Variants in L3MBTL4 observed in about 807,000 individuals in gnomAD.
L3MBTL4 encodes the protein L3MBTL histone methyl-lysine binding protein 4.
In L3MBTL4, 70 loss-of-function variants were observed where a neutral mutation model predicts 84.5. The observed-to-expected ratio is 0.83, with a 90% confidence interval of 0.68 to 1.01. The LOEUF (loss-of-function observed/expected upper bound fraction) is 1.01. L3MBTL4 is among the 50% of genes least tolerant of loss of function. The pLI is 0.00. For synonymous variants in L3MBTL4, 274 were observed against 259.8 expected, an observed-to-expected ratio of 1.05 and a Z score of -0.52; for missense variants, 715 against 754.8, an observed-to-expected ratio of 0.95 and a Z score of 0.62.
intron 13 of L3MBTL4, among the ~76,000 whole-genome samples, chr18:6,156,839 G>T (rs1452349576): frequency 6.6e-6 from 1 of 152,188 alleles, no homozygotes; most frequent in Admixed American, 6.5e-5. Flanking sequence ...TGTGATGACA[G>T]AAACTGCTAT....
chr18:6,028,752 A>G (rs2055635282), intron 16 of L3MBTL4, among the ~76,000 whole-genome samples: 1 of 152,168 alleles, frequency 6.6e-6, no homozygotes, highest in East Asian at 1.9e-4. Context: ...GGTCCTTCAC[A>G]ACTTGTATTC....
At chr18:6,018,521 T>G (rs1317063395) in intron 16 of L3MBTL4, among the ~76,000 whole-genome samples, 1 of 152,192 alleles carries the variant, frequency 6.6e-6, no homozygotes, top group Non-Finnish European at 1.5e-5. Flanking sequence ...GACCATGTAC[T>G]AAAGACTTAG....
chr18:6,345,215 CAAAAAAA>C (rs35502624), intron 1 of L3MBTL4, among the ~76,000 whole-genome samples: 68 of 38,496 alleles, frequency 1.8e-3, no homozygotes, highest in South Asian at 0.011. Flanking sequence ...TACTAAAATA[CAAAAAAA>C]AAAAAAAAAA....
chr18:6,269,007 C>A (rs2048753103), intron 4 of L3MBTL4, among the ~76,000 whole-genome samples: 2 of 152,156 alleles, frequency 1.3e-5, no homozygotes, highest in Admixed American at 1.3e-4. Flanking sequence ...AGCTCGGGCA[C>A]CCCCACTAGA....
At chr18:6,258,129 G>C (rs2048234947) in intron 5 of L3MBTL4, among the ~76,000 whole-genome samples, 1 of 152,190 alleles carries the variant, frequency 6.6e-6, no homozygotes, top group African/African-American at 2.4e-5. Context: ...GGTGTGCTGA[G>C]TGATGGTCTG....
At chr18:6,340,986 G>A (rs551894795) in intron 1 of L3MBTL4, among the ~76,000 whole-genome samples, 1 of 152,180 alleles carries the variant, frequency 6.6e-6, no homozygotes, top group South Asian at 2.1e-4. Context: ...TTGAAAAAAG[G>A]CACACAATCC....
At chr18:6,299,425 G>C (rs1250057341) in intron 4 of L3MBTL4, among the ~76,000 whole-genome samples, 2 of 152,168 alleles carry the variant, frequency 1.3e-5, no homozygotes, top group Admixed American at 6.6e-5. Context: ...GAACATAAAG[G>C]TAAAGTGAAA....
intron 16 of L3MBTL4, chr18:6,030,345 T>G: frequency 1.0e-6 from 1 of 970,642 alleles, no homozygotes; most frequent in Non-Finnish European, 1.2e-6. Context: ...ATAGAACAAA[T>G]AGCTAGCAAA....
chr18:6,174,295 G>C (rs992570373), intron 12 of L3MBTL4, among the ~76,000 whole-genome samples: 1 of 152,144 alleles, frequency 6.6e-6, no homozygotes, highest in African/African-American at 2.4e-5. Context: ...AGATAACCTA[G>C]ATGTTGTAAT....
chr18:6,389,514 T>TA lies in L3MBTL4; in HGVS notation c.-91+25286dup, dbSNP rs201023828. On this transcript the variant is annotated intron_variant, in intron 1 of 18. Transcript: ENST00000317931. Reference sequence around the variant, plus strand: ...AAAAGATACAGATTGGCAGAATGCTTAAAAAAAAATCACAAACCAAATATC... The same window carrying TA: ...AAAAGATACAGATTGGCAGAATGCTTAAAAAAAAAATCACAAACCAAATATC... Among the ~76,000 whole-genome samples the TA allele has an allele frequency of 6.3e-4, 95 of 151,648 alleles. No homozygotes were observed. The East Asian group carries it at 7.0e-3, about 11-fold the overall frequency.
At chr18:6,041,462 C>CT (rs34117389) in intron 16 of L3MBTL4, among the ~76,000 whole-genome samples, 28,675 of 123,994 alleles carry the variant, frequency 0.23, 3,787 homozygotes, top group Middle Eastern at 0.3. Context: ...CTGAAATTGA[C>CT]TTTTTTTTTT....
chr18:5,994,032 G>A (rs1203667659), intron 16 of L3MBTL4, among the ~76,000 whole-genome samples: 3 of 152,308 alleles, frequency 2.0e-5, no homozygotes, highest in South Asian at 4.1e-4. Context: ...CACTGGCGAC[G>A]CTGGAACCCG....
chr18:6,228,550 G>T (rs973804263), intron 10 of L3MBTL4, among the ~76,000 whole-genome samples: 1 of 151,970 alleles, frequency 6.6e-6, no homozygotes, highest in Non-Finnish European at 1.5e-5. Context: ...TCAATAATAA[G>T]AAAAATAATT....
intron 1 of L3MBTL4, among the ~76,000 whole-genome samples, chr18:6,379,090 AAG>A (rs1229783762): frequency 2.6e-5 from 4 of 152,114 alleles, no homozygotes; most frequent in African/African-American, 7.2e-5. Flanking sequence ...AATTGTGAAT[AAG>A]AGTTCACTCA....
intron 15 of L3MBTL4, among the ~76,000 whole-genome samples, chr18:6,082,176 A>G (rs2058100264): frequency 6.6e-6 from 1 of 152,178 alleles, no homozygotes; most frequent in Non-Finnish European, 1.5e-5. Flanking sequence ...CAACTAGTGA[A>G]ATAGTATGTT....
chr18:6,055,105 C>T (rs1305865283), intron 16 of L3MBTL4, among the ~76,000 whole-genome samples: 1 of 152,180 alleles, frequency 6.6e-6, no homozygotes, highest in African/African-American at 2.4e-5. Flanking sequence ...CATCTCATGC[C>T]TATTTTCAGT....
chr18:6,362,139 G>T (rs1405875672), intron 1 of L3MBTL4, among the ~76,000 whole-genome samples: 1 of 76,484 alleles, frequency 1.3e-5, no homozygotes, highest in African/African-American at 8.0e-5. Context: ...GGAGAGGAGA[G>T]GGGAGGGGAG....
chr18:6,033,857 C>A (rs1446052671), intron 16 of L3MBTL4, among the ~76,000 whole-genome samples: 1 of 152,188 alleles, frequency 6.6e-6, no homozygotes, highest in East Asian at 1.9e-4. Context: ...TATCTTTATA[C>A]ACTGTATGCC....
intron 1 of L3MBTL4, among the ~76,000 whole-genome samples, chr18:6,329,211 T>C (rs527782799): frequency 1.8e-4 from 27 of 149,626 alleles, no homozygotes; most frequent in Non-Finnish European, 3.3e-4. Flanking sequence ...TGGAGTGCAG[T>C]GGTGCGATCT....
Sources: allele counts gnomAD v4.1 joint callset (sites outside exome capture counted in the v4.1 genomes callset), GRCh38; gene constraint gnomAD v4.1.1; transcripts MANE v1.5; gene names NCBI Gene and HGNC (gene_info 2026-07-23, HGNC 2026-07-21).